The following PKNOX2 variants were observed in gnomAD, a reference collection of about 807,000 sequenced individuals.
PKNOX2 encodes the protein PBX/knotted 1 homeobox 2, also known as homeobox protein PKNOX2.
PKNOX2 carries 14 observed loss-of-function variants against 53.1 expected under a neutral mutation model. The observed-to-expected ratio is 0.26, with a 90% CI of 0.17 to 0.41. The LOEUF is 0.41. PKNOX2 is among the 10% of genes least tolerant of loss of function. The pLI, the probability that PKNOX2 is intolerant of heterozygous loss-of-function variation, is 1.00. For synonymous variants in PKNOX2, 257 were observed against 242.8 expected, an observed-to-expected ratio of 1.06 and a Z score of -0.54; for missense variants, 496 against 602.8, an observed-to-expected ratio of 0.82 and a Z score of 1.85.
At chr11:125,204,548 C>A (rs568255262) in intron 1 of PKNOX2, among the ~76,000 whole-genome samples, 1 of 152,302 alleles carries the variant, frequency 6.6e-6, no homozygotes, top group South Asian at 2.1e-4. Context: ...AACGACACAT[C>A]CCAGTTTGCC....
At chr11:125,278,061 CA>C (rs531438622) in intron 2 of PKNOX2, among the ~76,000 whole-genome samples, 1 of 151,456 alleles carries the variant, frequency 6.6e-6, no homozygotes, top group African/African-American at 2.4e-5. Flanking sequence ...TACAAAAATA[CA>C]AAAAAAATTA....
At chr11:125,189,413 ATGTGTGTG>A (rs776327891) in intron 1 of PKNOX2, among the ~76,000 whole-genome samples, 32 of 65,168 alleles carry the variant, frequency 4.9e-4, no homozygotes, top group South Asian at 6.4e-4. Flanking sequence ...GTATATATAT[ATGTGTGTG>A]TGTGTGTGTG....
Position 125,429,915 on chromosome 11 carries a change from G to A in PKNOX2, c.1014-48G>A, listed in dbSNP as rs748912466. The A allele has an allele frequency of 1.9e-6, 3 of 1,572,298 alleles. No individual in the cohort carries two copies. In the South Asian group the frequency reaches 3.6e-5, roughly 19 times the overall value. ...TTCACCCTCCCTGCCCCCACCCCAA[G>A]GCCATGCAGGTGATGACTAACCAGG... On this transcript the variant is annotated intron_variant, in intron 11 of 12. Coordinates refer to ENST00000298282, the MANE Select transcript of PKNOX2 (RefSeq NM_001382323.2).
chr11:125,413,296 G>A (rs990546097), intron 10 of PKNOX2, among the ~76,000 whole-genome samples: 1 of 152,218 alleles, frequency 6.6e-6, no homozygotes, highest in African/African-American at 2.4e-5. Context: ...TCCAGCCTCA[G>A]GCCTCTAAGG....
intron 2 of PKNOX2, among the ~76,000 whole-genome samples, chr11:125,262,191 C>A (rs565632662): frequency 6.6e-6 from 1 of 152,244 alleles, no homozygotes; most frequent in South Asian, 2.1e-4. Flanking sequence ...AGAGTAGGGG[C>A]CAGACAGTGA....
At chr11:125,217,037 AGT>A (rs1940601843) in intron 1 of PKNOX2, among the ~76,000 whole-genome samples, 5 of 148,394 alleles carry the variant, frequency 3.4e-5, no homozygotes, top group Admixed American at 2.0e-4. Context: ...ACACACACAC[AGT>A]CTCTCTCACA....
At chr11:125,260,414 G>T (rs1447172878) in intron 2 of PKNOX2, among the ~76,000 whole-genome samples, 1 of 151,566 alleles carries the variant, frequency 6.6e-6, no homozygotes, top group Admixed American at 6.6e-5. Context: ...GTCCAGGATG[G>T]TCTCAATCTC....
chr11:125,168,779 C>G (rs771261218), intron 1 of PKNOX2, among the ~76,000 whole-genome samples: 1 of 152,186 alleles, frequency 6.6e-6, no homozygotes, highest in Non-Finnish European at 1.5e-5. Flanking sequence ...AGCAGCAGAG[C>G]AGGGGAAAAT....
intron 1 of PKNOX2, among the ~76,000 whole-genome samples, chr11:125,222,518 C>G (rs545618917): frequency 6.6e-6 from 1 of 152,246 alleles, no homozygotes; most frequent in South Asian, 2.1e-4. Context: ...TCTGCTCTTT[C>G]CAGATGCCTT....
intron 2 of PKNOX2, among the ~76,000 whole-genome samples, chr11:125,302,731 C>T (rs1320068404): frequency 6.6e-6 from 1 of 152,228 alleles, no homozygotes; most frequent in Non-Finnish European, 1.5e-5. Context: ...CAGCCCTGAG[C>T]ACCCAGTTTT....
intron 1 of PKNOX2, among the ~76,000 whole-genome samples, chr11:125,169,932 C>G (rs1187485531): frequency 6.6e-6 from 1 of 152,214 alleles, no homozygotes; most frequent in Non-Finnish European, 1.5e-5. Flanking sequence ...GGGGATCCAG[C>G]CCGCTTCTTC....
intron 1 of PKNOX2, among the ~76,000 whole-genome samples, chr11:125,190,239 C>T (rs1476981016): frequency 1.3e-5 from 2 of 152,256 alleles, no homozygotes; most frequent in Non-Finnish European, 2.9e-5. Flanking sequence ...TTTTCATTCT[C>T]AAAAGTGTCT....
chr11:125,175,223 G>GGAAGGAAGGAAGGAAGGAAGGAAGGAAA (rs917052105), intron 1 of PKNOX2, among the ~76,000 whole-genome samples: 1 of 146,370 alleles, frequency 6.8e-6, no homozygotes, highest in Non-Finnish European at 1.5e-5. Flanking sequence ...AAGGAAGGAA[G>GGAAGGAAGGAAGGAAGGAAGGAAGGAAA]GAAGGAAGGA....
chr11:125,286,541 G>A (rs1946909868), intron 2 of PKNOX2, among the ~76,000 whole-genome samples: 1 of 152,186 alleles, frequency 6.6e-6, no homozygotes, highest in South Asian at 2.1e-4. Context: ...CACCCCCTTG[G>A]CCCTATGCCA....
At chr11:125,385,855 G>C in intron 6 of PKNOX2, 133 bp downstream of exon 6, 1 of 1,066,646 alleles carries the variant, frequency 9.4e-7, no homozygotes, top group South Asian at 1.7e-5. Flanking sequence ...TCATGCACTA[G>C]ATGCACCAGT....
chr11:125,270,695 T>C (rs1376186183), intron 2 of PKNOX2, among the ~76,000 whole-genome samples: 1 of 152,206 alleles, frequency 6.6e-6, no homozygotes, highest in Non-Finnish European at 1.5e-5. Context: ...CTCCTCAGCC[T>C]GTAATTCCAC....
At chr11:125,247,586 CT>C (rs758138119) in intron 2 of PKNOX2, among the ~76,000 whole-genome samples, 10 of 152,294 alleles carry the variant, frequency 6.6e-5, no homozygotes, top group Non-Finnish European at 1.0e-4. Flanking sequence ...GCCTTTTGCA[CT>C]CAATAAATGC....
At chr11:125,311,203 T>C (rs79251627) in intron 2 of PKNOX2, among the ~76,000 whole-genome samples, 1,949 of 152,332 alleles carry the variant, frequency 0.013, 31 homozygotes, top group African/African-American at 0.034. Flanking sequence ...TTTGAAAATT[T>C]GGGCTAAGAT....
intron 1 of PKNOX2, among the ~76,000 whole-genome samples, chr11:125,204,841 G>A (rs1208308938): frequency 6.6e-6 from 1 of 152,124 alleles, no homozygotes; most frequent in Non-Finnish European, 1.5e-5. Flanking sequence ...TGAGCTCCTG[G>A]GGTATACCTG....
Sources: gnomAD v4.1 joint callset for allele counts (sites outside exome capture counted in the v4.1 genomes callset) on GRCh38, gnomAD v4.1.1 for gene constraint, MANE v1.5 for transcripts, NCBI Gene and HGNC (gene_info 2026-07-23, HGNC 2026-07-21) for gene names.